Variants in LTAP1 observed in about 807,000 individuals in gnomAD.
LTAP1 encodes HCV NS5A-transactivated protein 4.
chr1:154,209,423 G>GTTTTTTA, the LTAP1 span, among the ~76,000 whole-genome samples: 1 of 101,852 alleles, frequency 9.8e-6, no homozygotes, highest in Non-Finnish European at 1.9e-5. Flanking sequence ...GCTCTAAGCA[G>GTTTTTTA]TTTTTTTTTT....
the LTAP1 span, among the ~76,000 whole-genome samples, chr1:154,216,511 A>T: frequency 7.0e-6 from 1 of 143,150 alleles, no homozygotes; most frequent in Non-Finnish European, 1.5e-5. Flanking sequence ...ATTATTAAAC[A>T]TTTTTTTTTT....
the LTAP1 span, among the ~76,000 whole-genome samples, chr1:154,208,781 T>G: frequency 1.3e-5 from 2 of 152,164 alleles, no homozygotes; most frequent in Admixed American, 6.6e-5. Flanking sequence ...TGGAGTCTTT[T>G]TCTCTGTTGC....
chr1:154,215,799 C>T, the LTAP1 span, among the ~76,000 whole-genome samples: 68 of 151,700 alleles, frequency 4.5e-4, no homozygotes, highest in Admixed American at 1.9e-3. Context: ...ACACCTATAA[C>T]CAATATCCAG....
At chr1:154,214,480 T>C in the LTAP1 span, 76 of 1,613,462 alleles carry the variant, frequency 4.7e-5, no homozygotes, top group Non-Finnish European at 5.6e-5. Flanking sequence ...GGTTTCCAGT[T>C]GTAGTAGTCT....
the LTAP1 span, among the ~76,000 whole-genome samples, chr1:154,209,583 C>T: frequency 6.6e-6 from 1 of 151,492 alleles, no homozygotes; most frequent in Non-Finnish European, 1.5e-5. Flanking sequence ...TGGTCGCCAC[C>T]ACTCCCAGCT....
chr1:154,219,435 T>C, the LTAP1 span, among the ~76,000 whole-genome samples: 1 of 152,226 alleles, frequency 6.6e-6, no homozygotes, highest in Non-Finnish European at 1.5e-5. Flanking sequence ...AGATGATTTA[T>C]GGAGCTCCTC....
the LTAP1 span, among the ~76,000 whole-genome samples, chr1:154,213,584 T>G: frequency 1.3e-5 from 2 of 152,220 alleles, no homozygotes; most frequent in Non-Finnish European, 2.9e-5. Flanking sequence ...TATCTTGGGC[T>G]TAGTGAAAAA....
chr1:154,208,719 C>G, the LTAP1 span, among the ~76,000 whole-genome samples: 2 of 152,168 alleles, frequency 1.3e-5, no homozygotes, highest in African/African-American at 4.8e-5. Context: ...TCACTAAACC[C>G]AATGAACATT....
the LTAP1 span, chr1:154,220,206 T>G: frequency 9.2e-7 from 1 of 1,090,616 alleles, no homozygotes. Context: ...AACTCCCACC[T>G]ACTCCTGGAA....
the LTAP1 span, chr1:154,213,834 C>T: frequency 7.0e-7 from 1 of 1,427,738 alleles, no homozygotes; most frequent in South Asian, 1.2e-5. Context: ...GGGTTCATTA[C>T]TCTGTTCCCT....
the LTAP1 span, among the ~76,000 whole-genome samples, chr1:154,213,570 A>C: frequency 1.3e-5 from 2 of 152,212 alleles, no homozygotes; most frequent in South Asian, 4.1e-4. Context: ...ATTCAAGAAC[A>C]ATCTATCTTG....
the LTAP1 span, among the ~76,000 whole-genome samples, chr1:154,215,474 G>A: frequency 6.6e-6 from 1 of 151,548 alleles, no homozygotes; most frequent in African/African-American, 2.4e-5. Flanking sequence ...GCCGAGGCAG[G>A]AGAATGGCGT....
At chr1:154,220,255 G>A in the LTAP1 span, 3 of 1,483,370 alleles carry the variant, frequency 2.0e-6, no homozygotes, top group Non-Finnish European at 2.8e-6. Flanking sequence ...GTGAGTGGGT[G>A]GAGAATGCAG....
At chr1:154,212,750 C>T in the LTAP1 span, 1 of 1,018,760 alleles carries the variant, frequency 9.8e-7, no homozygotes, top group Non-Finnish European at 1.4e-6. Context: ...CAACCTCCAC[C>T]TCCTAGGTTT....
chr1:154,214,632 T>A, the LTAP1 span: 4 of 1,101,590 alleles, frequency 3.6e-6, no homozygotes, highest in South Asian at 5.4e-5. Flanking sequence ...TTTCCACCAA[T>A]GTGAAAATGG....
chr1:154,220,167 A>G, the LTAP1 span: 1 of 842,286 alleles, frequency 1.2e-6, no homozygotes, highest in African/African-American at 1.7e-5. Flanking sequence ...TAGACTAACG[A>G]GGGCGGGTCG....
At chr1:154,212,461 T>TG in the LTAP1 span, 1 of 1,614,152 alleles carries the variant, frequency 6.2e-7, no homozygotes, top group Non-Finnish European at 8.5e-7. Context: ...GGCTTACCCC[T>TG]GTCCCATAGC....
the LTAP1 span, among the ~76,000 whole-genome samples, chr1:154,208,330 G>C: frequency 6.6e-6 from 1 of 152,016 alleles, no homozygotes; most frequent in African/African-American, 2.4e-5. Flanking sequence ...CAGAATTCGA[G>C]GCTGCAGTGA....
the LTAP1 span, chr1:154,214,376 A>G: frequency 1.1e-6 from 1 of 877,482 alleles, no homozygotes; most frequent in Non-Finnish European, 1.9e-6. Context: ...CTTTGCCAGC[A>G]GCTTTTGACA....
Sources: gnomAD v4.1 joint callset for allele counts (sites outside exome capture counted in the v4.1 genomes callset) on GRCh38, gnomAD v4.1.1 for gene constraint, MANE v1.5 for transcripts, NCBI Gene and HGNC (gene_info 2026-07-23, HGNC 2026-07-21) for gene names.